TOGARAM1: variants seen among roughly 807,000 people sequenced by gnomAD.
The protein encoded by TOGARAM1 is TOG array regulator of axonemal microtubules 1, also known as TOG array regulator of axonemal microtubules protein 1.
In TOGARAM1, 100 loss-of-function variants were observed where a neutral mutation model predicts 166.6. That is an observed-to-expected ratio of 0.60 (90% CI 0.51 to 0.71). The LOEUF (loss-of-function observed/expected upper bound fraction) is 0.71, where lower values mean the gene tolerates loss of function less well. Among genes scored for constraint, TOGARAM1 ranks in the 30% least tolerant of loss-of-function variants. TOGARAM1 has a pLI of 0.00. For synonymous variants in TOGARAM1, 758 were observed against 763.8 expected, an observed-to-expected ratio of 0.99 and a Z score of 0.13; for missense variants, 2,029 against 2,102.7, an observed-to-expected ratio of 0.96 and a Z score of 0.69.
In TOGARAM1 at chr14:45,039,170, G is replaced by T. The variant is rs545580390; in HGVS notation, c.3813-4516G>T. On this transcript the variant is annotated intron_variant, in intron 11 of 19. Coordinates refer to ENST00000361462, the MANE Select transcript of TOGARAM1 (RefSeq NM_001308120.2). The stretch of plus-strand genomic sequence containing the variant: ...CTGTAGGCAGGTTGTGCTGATGAGT[G>T]TACAGCTCTCAGCAGAGAGGAGACC... Among the ~76,000 whole-genome samples, 12 of 152,210 alleles carry T rather than the reference G, an allele frequency of 7.9e-5. No individual in the cohort carries two copies. The South Asian group carries it at 2.5e-3, about 32-fold the overall frequency.
rs1883245140 is a variant in TOGARAM1, at chr14:45,068,656, A to G, written c.4969+13A>G. 1 of 1,536,920 alleles carries G rather than the reference A, an allele frequency of 6.5e-7. No individual in the cohort carries two copies. Among genetic ancestry groups the G allele is most frequent in the Non-Finnish European group, 8.8e-7 (1 of 1,135,622 alleles). ...AGTCAGCATGTAGGTAAGAAATCTT[A>G]CTTCGGCACTCAAATTATTTTCACT... is the stretch of plus-strand genomic sequence containing the variant. On this transcript the variant is annotated intron_variant, in intron 18 of 19. Coordinates refer to ENST00000361462, the MANE Select transcript of TOGARAM1 (RefSeq NM_001308120.2).
At chr14:44,976,866 G>A (rs1886224984) in intron 1 of TOGARAM1, among the ~76,000 whole-genome samples, 2 of 152,120 alleles carry the variant, frequency 1.3e-5, no homozygotes, top group Non-Finnish European at 2.9e-5. Flanking sequence ...TAGTTTCGAT[G>A]TCAGTTACTC....
intron 1 of TOGARAM1, among the ~76,000 whole-genome samples, chr14:44,987,080 T>C (rs1328520024): frequency 6.6e-6 from 1 of 151,714 alleles, no homozygotes; most frequent in Non-Finnish European, 1.5e-5. Flanking sequence ...AAACACAGTT[T>C]AGTTTTAGCC....
intron 1 of TOGARAM1, among the ~76,000 whole-genome samples, chr14:44,979,195 G>T (rs10140049): frequency 6.6e-6 from 1 of 151,872 alleles, no homozygotes; most frequent in East Asian, 1.9e-4. Context: ...TAATAATACT[G>T]TTTTCAAAGG....
rs551732299 is a variant in TOGARAM1 at position 44,975,216 on chromosome 14, A to G, written c.2046+10749A>G. ...ACTGAAAACATCCAATAACTACATT[A>G]TACTGGAATGAATGAACTCAATGGA... is the stretch of plus-strand genomic sequence containing the variant. On this transcript the variant is annotated intron_variant, in intron 1 of 19. Transcript: ENST00000361462. 3.3e-5 allele frequency among the ~76,000 whole-genome samples: 5 copies of G among 152,340 alleles called. No homozygotes were observed. In the East Asian group the frequency reaches 9.6e-4, roughly 29 times the overall value.
intron 4 of TOGARAM1, among the ~76,000 whole-genome samples, chr14:45,004,953 G>A (rs992786644): frequency 4.0e-5 from 6 of 150,398 alleles, no homozygotes; most frequent in East Asian, 2.0e-4. Flanking sequence ...ACGGAGTTTC[G>A]CTCTTGTTGC....
chr14:44,994,304 G>A (rs1335439999), intron 1 of TOGARAM1, among the ~76,000 whole-genome samples: 1 of 149,762 alleles, frequency 6.7e-6, no homozygotes, highest in Admixed American at 6.6e-5. Context: ...TTTTTACTAT[G>A]GATGGGGTTT....
intron 13 of TOGARAM1, among the ~76,000 whole-genome samples, chr14:45,045,651 A>T (rs1882007985): frequency 8.7e-6 from 1 of 114,434 alleles, no homozygotes. Flanking sequence ...ATATATACAT[A>T]TATACACACA....
chr14:44,990,815 G>C (rs1887081065), intron 1 of TOGARAM1, among the ~76,000 whole-genome samples: 1 of 151,832 alleles, frequency 6.6e-6, no homozygotes, highest in Admixed American at 6.6e-5. Flanking sequence ...AAACACTTTG[G>C]GTTTTTTTCT....
At chr14:45,072,130 T>G (rs907034028) in intron 19 of TOGARAM1, among the ~76,000 whole-genome samples, 3 of 152,214 alleles carry the variant, frequency 2.0e-5, no homozygotes, top group African/African-American at 7.2e-5. Flanking sequence ...AAGTTAGCAG[T>G]TGGCAGGTGG....
At chr14:45,060,813 A>G (rs1882870879) in intron 16 of TOGARAM1, among the ~76,000 whole-genome samples, 1 of 152,200 alleles carries the variant, frequency 6.6e-6, no homozygotes, top group Admixed American at 6.5e-5. Flanking sequence ...TACCCTTCTC[A>G]CTGTATTACA....
At position 44,987,637 on chromosome 14, in the gene TOGARAM1, A is replaced by G. The variant is rs1469037313; in HGVS notation, c.2047-8109A>G. Among the ~76,000 whole-genome samples, 52 of 150,216 alleles carry G rather than the reference A, an allele frequency of 3.5e-4. No individual in the cohort carries two copies. The South Asian group carries it at 0.011, about 32-fold the overall frequency. On this transcript the variant is annotated intron_variant, in intron 1 of 19. Transcript: ENST00000361462. ...CTGGAGAGGATGTGGAGAAATAGGA[A>G]CACTTTTACACTGTTGGTGGGACTG...
intron 12 of TOGARAM1, 61 bp from the exon 13 acceptor site, chr14:45,044,574 T>G: frequency 1.7e-4 from 198 of 1,139,556 alleles, no homozygotes; most frequent in Non-Finnish European, 2.3e-4. Flanking sequence ...CCTTTCCAAG[T>G]TATTATTAGT....
chr14:45,046,526 T>TG lies in TOGARAM1; in HGVS notation c.4155-18dup. The stretch of plus-strand genomic sequence containing the variant: ...GTTTATATAACAACTCTGTTTTAAT[T>TG]GATCATGTCTCCTTGTAGCCATTTA... On this transcript the variant is annotated intron_variant, in intron 13 of 19. Coordinates refer to ENST00000361462, the MANE Select transcript of TOGARAM1 (RefSeq NM_001308120.2). 7.9e-7 allele frequency: 1 copy of TG among 1,272,838 alleles called. No homozygotes were observed. The highest frequency in any genetic ancestry group is 1.0e-6 in the Non-Finnish European group (1 of 999,710). The allele number at this position is 1,272,838 out of a possible 1,614,324, so 78.8% of individuals were successfully genotyped here. A position where few individuals can be genotyped will look rare whatever the true frequency, so the allele number is the denominator to read the frequency against.
chr14:45,021,925 C>T (rs1055593796), intron 7 of TOGARAM1, among the ~76,000 whole-genome samples: 2 of 152,108 alleles, frequency 1.3e-5, no homozygotes, highest in African/African-American at 4.8e-5. Flanking sequence ...AAGGGCCGTC[C>T]ATACAGCATT....
Position 45,028,188 on chromosome 14 carries a change from A to G in TOGARAM1, c.3517A>G (p.Ile1173Val), listed in dbSNP as rs768534126. The change falls in exon 10 of 20, where the codon ATT (isoleucine) becomes GTT (valine). Residue 1173 changes from isoleucine to valine, a missense_variant. Transcript: ENST00000361462. ...CTTTTTCATGCAGGCTAAAGTTTCT[A>G]TTTCTAAATCTACTTATAACAAGAT... ...VENEKDAKVSISKSTYNKMRQ... is the reference protein window; with the variant it reads ...VENEKDAKVSVSKSTYNKMRQ... 3.2e-6 allele frequency: 5 copies of G among 1,571,014 alleles called. No homozygotes were observed. Among genetic ancestry groups the G allele is most frequent in the South Asian group, 2.4e-5 (2 of 83,186 alleles).
rs146833971 is a variant in TOGARAM1 at position 45,055,531 on chromosome 14, G to A, written c.4559+982G>A. On this transcript the variant is annotated intron_variant, in intron 16 of 19. Transcript: ENST00000361462. Reference sequence around the variant, plus strand: ...TTAAGGTTGCTTTGGCTGGCTGGGCGCCATGGCTCACACCTGTAATCCCAG... The same window carrying A: ...TTAAGGTTGCTTTGGCTGGCTGGGCACCATGGCTCACACCTGTAATCCCAG... Among the ~76,000 whole-genome samples the A allele has an allele frequency of 2.4e-3, 366 of 152,138 alleles. 3 individuals are homozygous for A. Among genetic ancestry groups the A allele is most frequent in the Admixed American group, 0.019 (294 of 15,266 alleles).
At chr14:45,052,602 C>A (rs1334314211) in intron 15 of TOGARAM1, 40 bp downstream of exon 15, 4 of 1,540,302 alleles carry the variant, frequency 2.6e-6, no homozygotes, top group Non-Finnish European at 2.6e-6. Flanking sequence ...GCTTTATAAG[C>A]AAAGCTTGTT....
At chr14:45,058,732 C>T (rs1351218706) in intron 16 of TOGARAM1, among the ~76,000 whole-genome samples, 3 of 152,046 alleles carry the variant, frequency 2.0e-5, no homozygotes, top group Non-Finnish European at 4.4e-5. Context: ...GCATTTAACC[C>T]ATTTGCATTC....
Sources: allele counts gnomAD v4.1 joint callset (sites outside exome capture counted in the v4.1 genomes callset), GRCh38; gene constraint gnomAD v4.1.1; transcripts MANE v1.5; gene names NCBI Gene and HGNC (gene_info 2026-07-23, HGNC 2026-07-21).